Variants in FGF12 observed in about 807,000 individuals in gnomAD.
The protein encoded by FGF12 is fibroblast growth factor 12, also known as fibroblast growth factor 12B.
In FGF12, 14 loss-of-function variants were observed where a neutral mutation model predicts 23.6. That is an observed-to-expected ratio of 0.59 (90% CI 0.39 to 0.93). The LOEUF (loss-of-function observed/expected upper bound fraction) is 0.93, where lower values mean the gene tolerates loss of function less well. Ranked by LOEUF, FGF12 falls within the 40% of genes least tolerant of loss-of-function variation. The pLI is 0.00. For missense variants in FGF12, 175 were observed against 217.8 expected (o/e 0.80, Z 1.24); for synonymous variants, 62 against 77.3 (o/e 0.80, Z 1.04).
At position 192,268,084 on chromosome 3, in the gene FGF12, A is replaced by AT. The variant is rs1305144237; in HGVS notation, c.228+67276_228+67277insA. ...AAAACATGAATACACAACCCAGCACAGTACTATGAAATCTCAGAAGTTCTT... is the reference window on the plus strand; with the variant it reads ...AAAACATGAATACACAACCCAGCACATGTACTATGAAATCTCAGAAGTTCTT... On this transcript the variant is annotated intron_variant, in intron 4 of 5. Coordinates refer to ENST00000445105, the MANE Select transcript of FGF12 (RefSeq NM_004113.6). 1.2e-4 allele frequency among the ~76,000 whole-genome samples: 19 copies of AT among 152,332 alleles called. No individual in the cohort carries two copies. The East Asian group carries it at 3.5e-3, about 28-fold the overall frequency.
intron 2 of FGF12, among the ~76,000 whole-genome samples, chr3:192,526,506 A>G (rs1197371706): frequency 6.6e-6 from 1 of 152,182 alleles, no homozygotes; most frequent in Non-Finnish European, 1.5e-5. Flanking sequence ...AGTTGGGCAC[A>G]TGCTTTATAT....
At chr3:192,374,791 G>A (rs769099312) in intron 2 of FGF12, among the ~76,000 whole-genome samples, 7 of 152,114 alleles carry the variant, frequency 4.6e-5, no homozygotes, top group Non-Finnish European at 8.8e-5. Flanking sequence ...AGATTTGAGC[G>A]CAGGCAGCCT....
chr3:192,608,289 T>C (rs1714420724), intron 2 of FGF12, among the ~76,000 whole-genome samples: 1 of 152,088 alleles, frequency 6.6e-6, no homozygotes, highest in Non-Finnish European at 1.5e-5. Flanking sequence ...TAAAAATAAC[T>C]AAAAGAGTAT....
At chr3:192,668,155 C>T (rs572602713) in intron 2 of FGF12, among the ~76,000 whole-genome samples, 1 of 151,394 alleles carries the variant, frequency 6.6e-6, no homozygotes, top group Admixed American at 6.6e-5. Context: ...CCAAAAATTC[C>T]ATCTTCCACT....
At chr3:192,451,734 T>C (rs914154898) in intron 2 of FGF12, among the ~76,000 whole-genome samples, 12 of 152,236 alleles carry the variant, frequency 7.9e-5, no homozygotes, top group African/African-American at 2.7e-4. Context: ...GATTCACCTA[T>C]GTAGTAATGC....
chr3:192,451,994 T>A (rs1213390875), intron 2 of FGF12, among the ~76,000 whole-genome samples: 1 of 152,208 alleles, frequency 6.6e-6, no homozygotes, highest in Non-Finnish European at 1.5e-5. Flanking sequence ...TTTTTTTTTC[T>A]TTTCCTTGCC....
At chr3:192,190,468 C>CTTTTTTTTTTTTTTTTTTTTTTTTT (rs34108891) in intron 4 of FGF12, among the ~76,000 whole-genome samples, 1 of 89,104 alleles carries the variant, frequency 1.1e-5, no homozygotes, top group Admixed American at 1.6e-4. Flanking sequence ...GCCCAATACT[C>CTTTTTTTTTTTTTTTTTTTTTTTTT]TTTTTTTTTT....
At chr3:192,590,951 C>T (rs559743664) in intron 2 of FGF12, among the ~76,000 whole-genome samples, 26 of 151,942 alleles carry the variant, frequency 1.7e-4, no homozygotes, top group African/African-American at 4.8e-4. Context: ...ATAGTTCTCT[C>T]TCTCCCTCTT....
chr3:192,510,481 A>G (rs182796451), intron 2 of FGF12, among the ~76,000 whole-genome samples: 8 of 152,336 alleles, frequency 5.3e-5, no homozygotes, highest in Non-Finnish European at 1.2e-4. Flanking sequence ...CAACACTGAC[A>G]AAAATGTGGA....
rs1333549235 is a variant in FGF12 at position 192,170,517 on chromosome 3, T to C, written c.368A>G (p.Lys123Arg). The C allele has an allele frequency of 6.2e-7, 1 of 1,614,102 alleles. No homozygotes were observed. Reference sequence around the variant, plus strand: ...CTTGGTTTTCTTCACTCTGTTCCCCTTCATAATTTGACCTTCTTTATTGAG... The same window carrying C: ...CTTGGTTTTCTTCACTCTGTTCCCCCTCATAATTTGACCTTCTTTATTGAG... ...LGLNKEGQIM[K>R]GNRVKKTKPS... Residue 123 changes from lysine to arginine, a missense_variant, in exon 5 of 6, where the codon AAG (lysine) becomes AGG (arginine). Transcript: ENST00000445105.
chr3:192,178,562 G>A (rs1462973521), intron 4 of FGF12, among the ~76,000 whole-genome samples: 5 of 151,958 alleles, frequency 3.3e-5, no homozygotes, highest in Non-Finnish European at 4.4e-5. Flanking sequence ...GCAGTGGCAC[G>A]ATCTCGGCTC....
At chr3:192,183,189 ATTT>A (rs36009792) in intron 4 of FGF12, among the ~76,000 whole-genome samples, 2 of 147,758 alleles carry the variant, frequency 1.4e-5, no homozygotes, top group African/African-American at 2.5e-5. Flanking sequence ...AGCATGTAAG[ATTT>A]TTTTTTTTTA....
chr3:192,345,944 T>C (rs1717940192), intron 3 of FGF12, among the ~76,000 whole-genome samples: 1 of 152,066 alleles, frequency 6.6e-6, no homozygotes, highest in African/African-American at 2.4e-5. Flanking sequence ...TTATCATTAA[T>C]ACCTAAATAA....
chr3:192,279,927 C>A (rs1032394687), intron 4 of FGF12, among the ~76,000 whole-genome samples: 2 of 152,114 alleles, frequency 1.3e-5, no homozygotes, highest in Non-Finnish European at 2.9e-5. Context: ...TTAAATTATG[C>A]AAACAATTTA....
intron 4 of FGF12, among the ~76,000 whole-genome samples, chr3:192,246,959 AG>A: frequency 6.7e-6 from 1 of 149,074 alleles, no homozygotes; most frequent in Admixed American, 6.7e-5. Context: ...AGAAAAGGAA[AG>A]AGAGGGAGGG....
chr3:192,242,623 AATATT>A (rs1719681890), intron 4 of FGF12, among the ~76,000 whole-genome samples: 1 of 152,268 alleles, frequency 6.6e-6, no homozygotes, highest in East Asian at 1.9e-4. Flanking sequence ...TATAAAGCAT[AATATT>A]ATATTAAAGT....
At chr3:192,209,598 T>G (rs1717828002) in intron 4 of FGF12, among the ~76,000 whole-genome samples, 1 of 152,216 alleles carries the variant, frequency 6.6e-6, no homozygotes, top group Admixed American at 6.5e-5. Context: ...TTCTGAATTT[T>G]CTAGCTTCAC....
rs552290009 is a variant in FGF12 at position 192,257,407 on chromosome 3, C to T, written c.228+77954G>A. 2.0e-5 allele frequency among the ~76,000 whole-genome samples: 3 copies of T among 152,234 alleles called. No homozygotes were observed. The South Asian group carries it at 6.2e-4, about 32-fold the overall frequency. On this transcript the variant is annotated intron_variant, in intron 4 of 5. Coordinates refer to ENST00000445105, the MANE Select transcript of FGF12 (RefSeq NM_004113.6). ...CAACATCAGAGAGTGGCAGATGAAG[C>T]TCTAATCCCTATATCAGTTGCACAC... is the stretch of plus-strand genomic sequence containing the variant.
chr3:192,291,656 G>A (rs1714765255), intron 4 of FGF12, among the ~76,000 whole-genome samples: 1 of 151,952 alleles, frequency 6.6e-6, no homozygotes, highest in African/African-American at 2.4e-5. Flanking sequence ...TTCCTCAAAT[G>A]AATACTCTGG....
Sources: allele counts gnomAD v4.1 joint callset (sites outside exome capture counted in the v4.1 genomes callset), GRCh38; gene constraint gnomAD v4.1.1; transcripts MANE v1.5; gene names NCBI Gene and HGNC (gene_info 2026-07-23, HGNC 2026-07-21).